Variants in HTATIP2 observed in about 807,000 individuals in gnomAD.
HTATIP2 encodes HIV-1 Tat interactive protein 2.
In HTATIP2, 26 loss-of-function variants were observed where a neutral mutation model predicts 24.7. The observed-to-expected ratio is 1.05, with a 90% CI of 0.77 to 1.46. The LOEUF (loss-of-function observed/expected upper bound fraction) is 1.46. Among genes scored for constraint, HTATIP2 ranks in the 40% most tolerant of loss-of-function variants. The pLI is 0.00. For missense variants in HTATIP2, 284 were observed against 289.6 expected (o/e 0.98, Z 0.14); for synonymous variants, 99 against 113.2 (o/e 0.87, Z 0.79).
rs764716465 is a variant in HTATIP2, at chr11:20,367,264, A to G, written c.286A>G (p.Arg96Gly). ...TGGATTCTGTTGCCTGGGTACCACC[A>G]GAGGGAAAGCTGGGGCGGTAAGGAA... is the stretch of plus-strand genomic sequence containing the variant. ...DVGFCCLGTT[R>G]GKAGAEGFVR... is the part of the protein sequence containing the mutation. Residue 96 changes from arginine to glycine, a missense_variant, in exon 2 of 5, where the codon AGA becomes GGA. By Grantham distance (125) the Arg-to-Gly change is moderately radical. Coordinates refer to ENST00000451739, the MANE Select transcript of HTATIP2 (RefSeq NM_001098522.2). 1 of 1,614,134 alleles carries G rather than the reference A, an allele frequency of 6.2e-7. No individual in the cohort carries two copies. Among genetic ancestry groups the G allele is most frequent in the Non-Finnish European group, 8.5e-7 (1 of 1,180,036 alleles).
intron 1 of HTATIP2, 86 bp from the exon 2 acceptor site, chr11:20,367,088 C>A: frequency 2.0e-6 from 3 of 1,485,882 alleles, no homozygotes; most frequent in Admixed American, 4.2e-5. Context: ...CAGTAATGTT[C>A]TGTAACTTAG....
chr11:20,370,210 GGATAAC>G (rs1193805372), intron 2 of HTATIP2, among the ~76,000 whole-genome samples: 1 of 152,156 alleles, frequency 6.6e-6, no homozygotes, highest in African/African-American at 2.4e-5. Context: ...CTGTGGTCCT[GGATAAC>G]CTTTGCCTTG....
In HTATIP2 at chr11:20,364,105, C is replaced by CT. The variant is rs1426606030; in HGVS notation, c.-130dup. ...GCCGCGCCCCGCACGTGACTCAGCACTTTCCCCAGAGCCCGGACTGCGGAG... is the reference window on the plus strand; with the variant it reads ...GCCGCGCCCCGCACGTGACTCAGCACTTTTCCCCAGAGCCCGGACTGCGGAG... On this transcript the variant is annotated 5_prime_UTR_variant, in exon 1 of 5. The change abolishes the stop of an existing upstream ORF in the 5' untranslated region. Transcript: ENST00000451739. 13 of 1,431,052 alleles carry CT rather than the reference C, an allele frequency of 9.1e-6. No homozygotes were observed. The highest frequency in any genetic ancestry group is 7.2e-5 in the African/African-American group (5 of 69,516). The allele number at this position is 1,431,052 out of a possible 1,614,324, so 88.6% of individuals were successfully genotyped here.
chr11:20,371,753 C>A (rs1314131067), intron 2 of HTATIP2, among the ~76,000 whole-genome samples: 1 of 152,078 alleles, frequency 6.6e-6, no homozygotes, highest in Non-Finnish European at 1.5e-5. Flanking sequence ...TTCTTTGACT[C>A]TATGAAACAC....
At chr11:20,382,367 T>C (rs576917047) in intron 4 of HTATIP2, 128 bp downstream of exon 4, 1 of 601,778 alleles carries the variant, frequency 1.7e-6, no homozygotes. Context: ...AGAGGTAGAT[T>C]GCTTCTCTGA....
intron 4 of HTATIP2, 116 bp downstream of exon 4, chr11:20,382,355 C>G: frequency 1.5e-6 from 1 of 649,154 alleles, no homozygotes; most frequent in African/African-American, 1.9e-5. Context: ...AAGACATTGG[C>G]TAGAGGTAGA....
At chr11:20,370,759 C>T (rs1376248353) in intron 2 of HTATIP2, among the ~76,000 whole-genome samples, 6 of 152,204 alleles carry the variant, frequency 3.9e-5, no homozygotes, top group Non-Finnish European at 1.5e-5. Context: ...ACGCCATTCT[C>T]CTGCCTCAGC....
At chr11:20,379,042 A>G (rs1264115832) in intron 3 of HTATIP2, among the ~76,000 whole-genome samples, 1 of 99,946 alleles carries the variant, frequency 1.0e-5, no homozygotes, top group East Asian at 4.4e-4. Flanking sequence ...TCTCAAAAAC[A>G]AAACAAAACA....
At chr11:20,373,141 T>C (rs574052935) in intron 2 of HTATIP2, among the ~76,000 whole-genome samples, 1 of 152,172 alleles carries the variant, frequency 6.6e-6, no homozygotes, top group Non-Finnish European at 1.5e-5. Flanking sequence ...GAGAAAGGTA[T>C]GGGCACCTTG....
chr11:20,364,182 G>A lies in HTATIP2; in HGVS notation c.-56G>A. On this transcript the variant is annotated 5_prime_UTR_variant, in exon 1 of 5. Transcript: ENST00000451739. ...AACAGCCCTTGTTCCTCGGGATAAG[G>A]ACTGGCAGTCCCCTGACACCCTAAG... The A allele has an allele frequency of 1.3e-6, 2 of 1,537,798 alleles. No homozygotes were observed. Among genetic ancestry groups the A allele is most frequent in the Non-Finnish European group, 8.8e-7 (1 of 1,139,074 alleles).
At chr11:20,379,065 ACAAC>A (rs1386574712) in intron 3 of HTATIP2, among the ~76,000 whole-genome samples, 14 of 149,680 alleles carry the variant, frequency 9.4e-5, no homozygotes, top group Non-Finnish European at 1.9e-4. Context: ...ACAAACAACA[ACAAC>A]AACAACAACA....
At chr11:20,378,993 C>T (rs1168526141) in intron 3 of HTATIP2, among the ~76,000 whole-genome samples, 1 of 152,116 alleles carries the variant, frequency 6.6e-6, no homozygotes, top group Non-Finnish European at 1.5e-5. Flanking sequence ...GCCAAGATCA[C>T]ATCACTGCAC....
At chr11:20,367,753 C>A in intron 2 of HTATIP2, 2 of 769,702 alleles carry the variant, frequency 2.6e-6, no homozygotes, top group African/African-American at 1.9e-5. Context: ...ATTCAACCAG[C>A]CTCCAGCGAT....
At chr11:20,371,782 T>C (rs867375165) in intron 2 of HTATIP2, among the ~76,000 whole-genome samples, 20 of 152,200 alleles carry the variant, frequency 1.3e-4, no homozygotes, top group East Asian at 9.7e-4. Flanking sequence ...GAATATCCAA[T>C]TGGAAAACTT....
Position 20,376,665 on chromosome 11 carries a change from T to G in HTATIP2, c.389T>G (p.Leu130Arg), listed in dbSNP as rs1251933347. 1 of 1,613,714 alleles carries G rather than the reference T, an allele frequency of 6.2e-7. No homozygotes were observed. The highest frequency in any genetic ancestry group is 8.5e-7 in the Non-Finnish European group (1 of 1,179,738). The change falls in exon 3 of 5, where the codon CTA (leucine) becomes CGA (arginine). Residue 130 changes from leucine (L) to arginine (R), a missense_variant. Leu to Arg is a moderately radical substitution (Grantham distance 102, BLOSUM62 -2). Coordinates refer to ENST00000451739, the MANE Select transcript of HTATIP2 (RefSeq NM_001098522.2). ...GGAGGGTGCAAACATTTCAACTTGC[T>G]ATCCTCTAAAGGAGCTGATAAATCA... The part of the protein sequence containing the change: ...KAGGCKHFNL[L>R]SSKGADKSSN...
intron 3 of HTATIP2, among the ~76,000 whole-genome samples, chr11:20,377,234 C>A (rs570268207): frequency 1.3e-5 from 2 of 151,674 alleles, no homozygotes; most frequent in East Asian, 3.9e-4. Context: ...AGGCATGAGC[C>A]ACCATGCCTG....
rs765709592 is a variant in HTATIP2, at chr11:20,367,151, C to T, written c.196-23C>T. 3.0e-5 allele frequency: 48 copies of T among 1,612,930 alleles called. No homozygotes were observed. The African/African-American group carries it at 3.6e-4, about 12-fold the overall frequency. On this transcript the variant is annotated intron_variant, in intron 1 of 4. Transcript: ENST00000451739. ...CTGTTGTTTAAATAACATGAAACTA[C>T]ATACAACTGTGTCCTTGCCTAGAAT... is the stretch of plus-strand genomic sequence containing the variant.
At chr11:20,369,449 G>A (rs2064747344) in intron 2 of HTATIP2, among the ~76,000 whole-genome samples, 1 of 152,178 alleles carries the variant, frequency 6.6e-6, no homozygotes, top group South Asian at 2.1e-4. Context: ...TCCATGTGAT[G>A]TTCAGTGTAT....
Position 20,367,280 on chromosome 11 carries a change from C to T in HTATIP2, c.302C>T (p.Ala101Val), listed in dbSNP as rs148194087. 4.6e-5 allele frequency: 74 copies of T among 1,613,832 alleles called. No homozygotes were observed. Among genetic ancestry groups the T allele is most frequent in the Middle Eastern group, 1.6e-4 (1 of 6,084 alleles). ...GGTACCACCAGAGGGAAAGCTGGGG[C>T]GGTAAGGAAGGCATATGCTCTTTTC... ...CLGTTRGKAG[A>V]EGFVRVDRDY... The change falls in exon 2 of 5, where the codon GCG becomes GTG. Residue 101 changes from alanine to valine, a missense_variant and splice_region_variant. By Grantham distance (64) the Ala-to-Val change is moderately conservative. Transcript: ENST00000451739.
Sources: gnomAD v4.1 joint callset for allele counts (sites outside exome capture counted in the v4.1 genomes callset) on GRCh38, gnomAD v4.1.1 for gene constraint, MANE v1.5 for transcripts, NCBI Gene and HGNC (gene_info 2026-07-23, HGNC 2026-07-21) for gene names.